Variants in NRXN1 observed in about 807,000 individuals in gnomAD.
NRXN1 encodes the protein neurexin-1.
NRXN1 carries 39 observed loss-of-function variants against 150.9 expected under a neutral mutation model. That is an observed-to-expected ratio of 0.26 (90% CI 0.20 to 0.34). The LOEUF is 0.34. Among genes scored for constraint, NRXN1 ranks in the 10% least tolerant of loss-of-function variants. The probability of loss-of-function intolerance (pLI) is 1.00; values close to 1 mark genes in which losing one functional copy is unlikely to be tolerated. For missense variants in NRXN1, 1,815 were observed against 1,949.9 expected (o/e 0.93, Z 1.30); for synonymous variants, 924 against 757.0 (o/e 1.22, Z -3.62).
At chr2:50,820,009 G>T (rs1041280403) in intron 5 of NRXN1, among the ~76,000 whole-genome samples, 5 of 151,978 alleles carry the variant, frequency 3.3e-5, no homozygotes, top group East Asian at 3.9e-4. Context: ...TTGGTTACAG[G>T]TCACTTTTTC....
At chr2:50,043,853 C>T (rs1196921849) in intron 21 of NRXN1, among the ~76,000 whole-genome samples, 1 of 152,062 alleles carries the variant, frequency 6.6e-6, no homozygotes, top group African/African-American at 2.4e-5. Context: ...ATATTTGTTA[C>T]TTGGTCCTGG....
chr2:49,939,314 G>C (rs193146375), intron 22 of NRXN1, among the ~76,000 whole-genome samples: 2 of 152,020 alleles, frequency 1.3e-5, no homozygotes, highest in Admixed American at 1.3e-4. Flanking sequence ...ATGTGTCTAC[G>C]CTTCTTAAAC....
At position 50,896,337 on chromosome 2, in the gene NRXN1, G is replaced by C. The variant is rs190195076; in HGVS notation, c.832+25532C>G. Reference sequence around the variant, plus strand: ...TACTATGTGTAAGATACTGTCCCAGGCATTTGGGATAAATCAGATAACAGC... The same window carrying C: ...TACTATGTGTAAGATACTGTCCCAGCCATTTGGGATAAATCAGATAACAGC... On this transcript the variant is annotated intron_variant, in intron 5 of 22. Transcript: ENST00000401669. 2.6e-3 allele frequency among the ~76,000 whole-genome samples: 389 copies of C among 152,274 alleles called. 2 individuals are homozygous for C. The highest frequency in any genetic ancestry group is 8.8e-3 in the African/African-American group (366 of 41,560).
At chr2:50,521,998 G>A (rs1406196849) in intron 12 of NRXN1, among the ~76,000 whole-genome samples, 1 of 152,068 alleles carries the variant, frequency 6.6e-6, no homozygotes, top group Non-Finnish European at 1.5e-5. Flanking sequence ...AACATATAGA[G>A]AGTATACAGC....
chr2:50,714,523 G>A (rs1695609562), intron 5 of NRXN1, among the ~76,000 whole-genome samples: 1 of 152,036 alleles, frequency 6.6e-6, no homozygotes, highest in South Asian at 2.1e-4. Context: ...ATTACCCAAG[G>A]TAAGTGTCAC....
intron 2 of NRXN1, among the ~76,000 whole-genome samples, chr2:51,012,105 T>C (rs1033190811): frequency 1.3e-5 from 2 of 152,048 alleles, no homozygotes; most frequent in Admixed American, 1.3e-4. Context: ...TTTCCAACTC[T>C]TAGACCTGTA....
chr2:50,707,899 G>T (rs551309987), intron 5 of NRXN1, among the ~76,000 whole-genome samples: 1 of 152,074 alleles, frequency 6.6e-6, no homozygotes, highest in East Asian at 1.9e-4. Flanking sequence ...AATCTCAATC[G>T]TTAGCTACAG....
chr2:50,406,719 G>C (rs2082774188), intron 17 of NRXN1, among the ~76,000 whole-genome samples: 2 of 152,142 alleles, frequency 1.3e-5, no homozygotes, highest in African/African-American at 2.4e-5. Context: ...GAGAGAGACA[G>C]ACAGAGTTTG....
chr2:50,491,795 A>G (rs997592137), intron 15 of NRXN1, among the ~76,000 whole-genome samples: 6 of 152,168 alleles, frequency 3.9e-5, no homozygotes, highest in Non-Finnish European at 7.3e-5. Flanking sequence ...CAAGTAAACT[A>G]TATATATCCT....
At chr2:50,788,298 C>A (rs1705427617) in intron 5 of NRXN1, among the ~76,000 whole-genome samples, 1 of 151,964 alleles carries the variant, frequency 6.6e-6, no homozygotes. Context: ...CCATGTTAGC[C>A]AAGATGGTCT....
chr2:50,302,799 T>C (rs543250058), intron 17 of NRXN1, among the ~76,000 whole-genome samples: 1 of 152,332 alleles, frequency 6.6e-6, no homozygotes, highest in Admixed American at 6.5e-5. Context: ...CCCTACACTA[T>C]ATTTTTAATT....
At chr2:50,800,955 T>C (rs1707505805) in intron 5 of NRXN1, among the ~76,000 whole-genome samples, 1 of 152,214 alleles carries the variant, frequency 6.6e-6, no homozygotes, top group South Asian at 2.1e-4. Context: ...GTAAACTTTA[T>C]TTTACGTCAC....
intron 5 of NRXN1, among the ~76,000 whole-genome samples, chr2:50,660,310 G>C (rs1687103606): frequency 3.3e-5 from 5 of 152,026 alleles, no homozygotes; most frequent in Admixed American, 3.3e-4. Flanking sequence ...ATGCCTTGAA[G>C]TCTGTCTGTC....
rs189530585 is a variant in NRXN1 at position 50,614,018 on chromosome 2, G to C, written c.1320+6004C>G. Among the ~76,000 whole-genome samples, 35 of 152,284 alleles carry C rather than the reference G, an allele frequency of 2.3e-4. No individual in the cohort carries two copies. The Middle Eastern group carries it at 0.01, about 44-fold the overall frequency. ...AAATATGTGGATCTGTATGGAAAAT[G>C]TTTAGGAAAAAGTGAAGTGGGAAAG... is the stretch of plus-strand genomic sequence containing the variant. On this transcript the variant is annotated intron_variant, in intron 8 of 22. Transcript: ENST00000401669.
At chr2:50,951,958 TATA>T (rs1257359672) in intron 2 of NRXN1, among the ~76,000 whole-genome samples, 18 of 103,068 alleles carry the variant, frequency 1.7e-4, no homozygotes, top group African/African-American at 4.1e-4. Context: ...TATATATATA[TATA>T]TATTTTTTTT....
chr2:50,907,761 G>C (rs1683930002), intron 5 of NRXN1, among the ~76,000 whole-genome samples: 1 of 152,070 alleles, frequency 6.6e-6, no homozygotes, highest in Non-Finnish European at 1.5e-5. Flanking sequence ...GAAGAAAGCA[G>C]ATTCTTTGCA....
intron 9 of NRXN1, among the ~76,000 whole-genome samples, chr2:50,541,506 T>C (rs575020426): frequency 3.9e-5 from 6 of 152,354 alleles, no homozygotes; most frequent in South Asian, 2.1e-4. Context: ...TTTTTATTTA[T>C]GGTGTGTTAG....
chr2:50,996,722 A>G (rs1371767385), intron 2 of NRXN1, among the ~76,000 whole-genome samples: 2 of 151,842 alleles, frequency 1.3e-5, no homozygotes, highest in Non-Finnish European at 2.9e-5. Context: ...ATTCAAATGC[A>G]GAAAACTAGA....
chr2:51,010,837 G>C (rs953454550), intron 2 of NRXN1, among the ~76,000 whole-genome samples: 4 of 151,570 alleles, frequency 2.6e-5, no homozygotes, highest in Non-Finnish European at 5.9e-5. Context: ...CAGGCTAGAG[G>C]ACAGTGGCAC....
Sources: gnomAD v4.1 joint callset for allele counts (sites outside exome capture counted in the v4.1 genomes callset) on GRCh38, gnomAD v4.1.1 for gene constraint, MANE v1.5 for transcripts, NCBI Gene and HGNC (gene_info 2026-07-23, HGNC 2026-07-21) for gene names.